FAM117A: variants seen among roughly 807,000 people sequenced by gnomAD.
FAM117A encodes protein FAM117A.
FAM117A carries 21 observed loss-of-function variants against 44.1 expected under a neutral mutation model. That is an observed-to-expected ratio of 0.48 (90% CI 0.34 to 0.69). FAM117A has a LOEUF of 0.69. Among genes scored for constraint, FAM117A ranks in the 30% least tolerant of loss-of-function variants. The probability of loss-of-function intolerance (pLI) is 0.01; values close to 1 mark genes in which losing one functional copy is unlikely to be tolerated. For synonymous variants in FAM117A, 220 were observed against 238.3 expected (o/e 0.92, Z 0.71); for missense variants, 498 against 589.9 (o/e 0.84, Z 1.61).
chr17:49,711,881 A>C (rs927044941), intron 7 of FAM117A, among the ~76,000 whole-genome samples: 1 of 152,264 alleles, frequency 6.6e-6, no homozygotes, highest in Non-Finnish European at 1.5e-5. Context: ...ACGGTGGCTC[A>C]CGCCTATAAT....
At chr17:49,741,736 C>T (rs2073635335) in intron 1 of FAM117A, among the ~76,000 whole-genome samples, 1 of 152,184 alleles carries the variant, frequency 6.6e-6, no homozygotes, top group African/African-American at 2.4e-5. Flanking sequence ...TTGCAGTAAG[C>T]ACGGGAAGTT....
At chr17:49,768,710 A>C (rs537088961), upstream of FAM117A, among the ~76,000 whole-genome samples, 13 of 152,254 alleles carry the variant, frequency 8.5e-5, no homozygotes, top group East Asian at 2.5e-3. Flanking sequence ...GAATGAGGTT[A>C]TGGGAACAGA....
upstream of FAM117A, among the ~76,000 whole-genome samples, chr17:49,766,900 T>TA (rs1217979155): frequency 6.6e-6 from 1 of 152,194 alleles, no homozygotes; most frequent in Admixed American, 6.5e-5. Context: ...ATACTGTGTT[T>TA]AAACTTTATT....
intron 1 of FAM117A, among the ~76,000 whole-genome samples, chr17:49,762,674 T>C (rs1210444436): frequency 6.6e-6 from 1 of 152,214 alleles, no homozygotes; most frequent in Non-Finnish European, 1.5e-5. Context: ...GTTTAGAGAA[T>C]GTCATTAACC....
At chr17:49,771,193 C>T (rs2073760036) in intron 1 of FAM117A, among the ~76,000 whole-genome samples, 1 of 152,024 alleles carries the variant, frequency 6.6e-6, no homozygotes, top group Non-Finnish European at 1.5e-5. Context: ...GGCAACAGAG[C>T]GAGATCTCTG....
rs1275179135 is a variant in FAM117A at position 49,719,863 on chromosome 17, G to A, written c.605C>T (p.Pro202Leu). 6.2e-7 allele frequency: 1 copy of A among 1,606,730 alleles called. No individual in the cohort carries two copies. Residue 202 changes from proline (P) to leucine (L), a missense_variant, in exon 5 of 8, where the codon CCT becomes CTT. By Grantham distance (98) the Pro-to-Leu change is moderately conservative. This residue lies in a region of FAM117A where 270 missense variants were observed against 277.4 expected (regional missense o/e 0.97). Transcript: ENST00000240364. ...CAGGCAGGGGCTGAGTCGCAAGACA[G>A]GGGACCCTGAGGGGAAGCTGGGAGG... Reference protein sequence around the residue: ...ASPPSFPSGSPVLRLSPCLHR... With the variant: ...ASPPSFPSGSLVLRLSPCLHR...
intron 4 of FAM117A, 67 bp from the exon 5 acceptor site, chr17:49,719,961 C>A: frequency 1.9e-6 from 3 of 1,544,766 alleles, no homozygotes; most frequent in Non-Finnish European, 1.7e-6. Flanking sequence ...TTCATTCTGA[C>A]CAGGGGTAAT....
intron 1 of FAM117A, 60 bp downstream of exon 1, chr17:49,763,822 CCTCCCGCGGT>C: frequency 1.1e-5 from 6 of 528,792 alleles, no homozygotes; most frequent in Non-Finnish European, 1.6e-5. Flanking sequence ...TCCCCGTCCC[CCTCCCGCGGT>C]CACGCGCCCC....
intron 2 of FAM117A, chr17:49,724,565 G>A (rs1022548358): frequency 1.6e-5 from 7 of 445,576 alleles, no homozygotes; most frequent in Non-Finnish European, 2.7e-5. Context: ...GGGGGTGGTG[G>A]CTCATGCCTG....
chr17:49,785,950 T>C (rs148191449), intron 1 of FAM117A, among the ~76,000 whole-genome samples: 115 of 152,324 alleles, frequency 7.5e-4, no homozygotes, highest in African/African-American at 1.9e-3. Flanking sequence ...GTCAGAGGCA[T>C]TGAAATCAAC....
chr17:49,733,103 TTTTC>T (rs1377161347), intron 1 of FAM117A, among the ~76,000 whole-genome samples: 2 of 152,180 alleles, frequency 1.3e-5, no homozygotes, highest in Non-Finnish European at 2.9e-5. Flanking sequence ...AAAAAACAAA[TTTTC>T]TTCCATCTTT....
chr17:49,734,082 G>A (rs907707057), intron 1 of FAM117A, among the ~76,000 whole-genome samples: 1 of 150,774 alleles, frequency 6.6e-6, no homozygotes, highest in African/African-American at 2.4e-5. Context: ...GGCAGTGCTT[G>A]CAGTGAGTCG....
chr17:49,730,997 G>T (rs1159127731), intron 2 of FAM117A, among the ~76,000 whole-genome samples: 2 of 152,220 alleles, frequency 1.3e-5, no homozygotes, highest in African/African-American at 2.4e-5. Context: ...CAGACTCATG[G>T]AGGCCAAATC....
chr17:49,763,139 CA>C (rs2073729174), intron 1 of FAM117A, among the ~76,000 whole-genome samples: 1 of 151,522 alleles, frequency 6.6e-6, no homozygotes, highest in East Asian at 1.9e-4. Context: ...CACACACACA[CA>C]CACACACACA....
At chr17:49,756,776 C>T (rs1473019238) in intron 1 of FAM117A, among the ~76,000 whole-genome samples, 2 of 151,878 alleles carry the variant, frequency 1.3e-5, no homozygotes, top group African/African-American at 4.8e-5. Context: ...ATTATCTGGG[C>T]GTGGTGGCAC....
chr17:49,733,661 A>G (rs2073596791), intron 1 of FAM117A, among the ~76,000 whole-genome samples: 1 of 152,154 alleles, frequency 6.6e-6, no homozygotes, highest in East Asian at 1.9e-4. Context: ...TAACAGAGGA[A>G]GACTCTGTCT....
intron 7 of FAM117A, among the ~76,000 whole-genome samples, chr17:49,713,636 AGCTAGG>A (rs560713559): frequency 1.1e-3 from 167 of 152,116 alleles, no homozygotes; most frequent in African/African-American, 3.9e-3. Flanking sequence ...CCTCCTCAGT[AGCTAGG>A]ATTACAGGCA....
intron 7 of FAM117A, among the ~76,000 whole-genome samples, chr17:49,712,305 A>AT (rs1047761533): frequency 2.0e-5 from 3 of 152,116 alleles, no homozygotes; most frequent in African/African-American, 7.2e-5. Context: ...CGGGGTGGGG[A>AT]TGGAGGCATT....
chr17:49,718,985 A>G (rs1194146418), intron 5 of FAM117A, among the ~76,000 whole-genome samples: 2 of 120,746 alleles, frequency 1.7e-5, no homozygotes, highest in African/African-American at 6.4e-5. Context: ...AAAAAAAAAA[A>G]AAGGCCGGTG....
Sources: gnomAD v4.1 joint callset for allele counts (sites outside exome capture counted in the v4.1 genomes callset) on GRCh38, gnomAD v4.1.1 for gene constraint, gnomAD v4.1.1 regional missense constraint, MANE v1.5 for transcripts, NCBI Gene and HGNC (gene_info 2026-07-23, HGNC 2026-07-21) for gene names.